DGCR2: variants seen among roughly 807,000 people sequenced by gnomAD.
DGCR2 encodes integral membrane protein DGCR2/IDD.
A neutral mutation model predicts 51.6 loss-of-function variants in DGCR2; 24 were observed. The ratio of observed to expected loss-of-function variants is 0.47; its 90% CI spans 0.34 to 0.65. The LOEUF is 0.65. Among genes scored for constraint, DGCR2 ranks in the 30% least tolerant of loss-of-function variants. The pLI is 0.01. For synonymous variants in DGCR2, 340 were observed against 315.4 expected, an observed-to-expected ratio of 1.08 and a Z score of -0.82; for missense variants, 765 against 772.1, an observed-to-expected ratio of 0.99 and a Z score of 0.11.
At chr22:19,076,542 G>A (rs982761072) in intron 2 of DGCR2, among the ~76,000 whole-genome samples, 1 of 152,000 alleles carries the variant, frequency 6.6e-6, no homozygotes, top group East Asian at 1.9e-4. Context: ...TAACAACACC[G>A]CAGAGGGATT....
At chr22:19,041,669 G>T (rs773590311) in intron 8 of DGCR2, 138 bp downstream of exon 8, 2 of 1,026,978 alleles carry the variant, frequency 1.9e-6, no homozygotes, top group South Asian at 1.6e-5. Flanking sequence ...GCCCACAGGT[G>T]AGGACACAGA....
Position 19,089,394 on chromosome 22 carries a change from T to C in DGCR2, c.176A>G (p.Asp59Gly). The C allele has an allele frequency of 6.2e-7, 1 of 1,610,522 alleles. No homozygotes were observed. The highest frequency in any genetic ancestry group is 8.5e-7 in the Non-Finnish European group (1 of 1,178,284). Residue 59 changes from aspartate (D) to glycine (G), a missense_variant, in exon 2 of 10, where the codon GAT becomes GGT. Physicochemically the swap from Asp to Gly is moderately conservative, Grantham distance 94 (BLOSUM62 -1). Transcript: ENST00000263196. The part of the protein sequence containing the change: ...WQCDGWATCE[D>G]ESDEANCPEV... The stretch of plus-strand genomic sequence containing the variant: ...TGGACAGTTGGCTTCGTCGCTCTCA[T>C]CCTCGCAAGTCGCCCAGCCGTCACA...
At chr22:19,111,877 G>A (rs1191477785) in intron 1 of DGCR2, among the ~76,000 whole-genome samples, 1 of 147,854 alleles carries the variant, frequency 6.8e-6, no homozygotes, top group East Asian at 2.0e-4. Flanking sequence ...TTTGTCTCCA[G>A]GAAGAAACTG....
intron 2 of DGCR2, among the ~76,000 whole-genome samples, chr22:19,085,312 A>G (rs1205976228): frequency 1.3e-5 from 2 of 152,246 alleles, no homozygotes; most frequent in Non-Finnish European, 2.9e-5. Flanking sequence ...TGCCATCTAT[A>G]GGTTAGGAAA....
chr22:19,037,957 G>A lies in DGCR2; in HGVS notation c.*908C>T, dbSNP rs1400772605. 1 of 152,962 alleles carries A rather than the reference G, an allele frequency of 6.5e-6. No individual in the cohort carries two copies. The highest frequency in any genetic ancestry group is 2.4e-5 in the African/African-American group (1 of 41,478). 9.5% of individuals were successfully genotyped at this position (152,962 alleles called of 1,614,324 possible). On this transcript the variant is annotated 3_prime_UTR_variant, in exon 10 of 10. Coordinates refer to ENST00000263196, the MANE Select transcript of DGCR2 (RefSeq NM_005137.3). The stretch of plus-strand genomic sequence containing the variant: ...CTCCTGCAATGAAGCAACCCTTTAT[G>A]GCACAAATGGGGCCGGGGGCAGGCC...
chr22:19,110,003 G>A (rs2083297661), intron 1 of DGCR2, among the ~76,000 whole-genome samples: 1 of 152,180 alleles, frequency 6.6e-6, no homozygotes, highest in Non-Finnish European at 1.5e-5. Context: ...TAACAGAGTG[G>A]GTCCAAACTT....
At chr22:19,046,867 C>T in intron 7 of DGCR2, 1 of 277,464 alleles carries the variant, frequency 3.6e-6, no homozygotes, top group Non-Finnish European at 7.9e-6. Context: ...GCCATACATG[C>T]CCACAAATGG....
intron 6 of DGCR2, among the ~76,000 whole-genome samples, chr22:19,054,186 G>A (rs5992356): frequency 0.23 from 35,723 of 152,114 alleles, 4,737 homozygotes; most frequent in African/African-American, 0.37. Flanking sequence ...ATATAGTGTG[G>A]GTACATAAGA....
chr22:19,080,752 C>T (rs1237168786), intron 2 of DGCR2, among the ~76,000 whole-genome samples: 1 of 152,190 alleles, frequency 6.6e-6, no homozygotes. Context: ...GGGAGGATCG[C>T]TTGAGTCCAG....
intron 6 of DGCR2, 106 bp downstream of exon 6, chr22:19,056,880 C>A: frequency 1.5e-6 from 2 of 1,308,806 alleles, no homozygotes; most frequent in Non-Finnish European, 2.1e-6. Context: ...GCGTCCACCG[C>A]AACACTGCAA....
At chr22:19,070,574 G>T (rs1407781025) in intron 2 of DGCR2, among the ~76,000 whole-genome samples, 1 of 152,196 alleles carries the variant, frequency 6.6e-6, no homozygotes, top group Non-Finnish European at 1.5e-5. Context: ...AGTGCTGCCA[G>T]GTCACATGGG....
intron 1 of DGCR2, 93 bp downstream of exon 1, chr22:19,122,035 T>A: frequency 6.3e-5 from 52 of 823,258 alleles, no homozygotes; most frequent in East Asian, 9.0e-5. Context: ...GCGCGGCCCC[T>A]GCAGGAGGGC....
At chr22:19,069,852 G>T (rs990776161) in intron 2 of DGCR2, among the ~76,000 whole-genome samples, 2 of 152,248 alleles carry the variant, frequency 1.3e-5, no homozygotes, top group South Asian at 4.1e-4. Context: ...CATGTGATGG[G>T]GATGGGTTGC....
chr22:19,100,148 T>C (rs540049459), intron 1 of DGCR2, among the ~76,000 whole-genome samples: 35 of 151,884 alleles, frequency 2.3e-4, no homozygotes, highest in Non-Finnish European at 4.4e-4. Flanking sequence ...CACACACCTG[T>C]AATCCCAGCT....
chr22:19,040,979 G>A, intron 9 of DGCR2, 79 bp downstream of exon 9: 5 of 1,304,274 alleles, frequency 3.8e-6, no homozygotes, highest in Non-Finnish European at 5.3e-6. Context: ...GGCCTCTGCA[G>A]CTGGGCAAGA....
rs537701034 is a variant in DGCR2, at chr22:19,070,880, G to A, written c.203-2655C>T. Reference sequence around the variant, plus strand: ...CACAGACACAGGCCTTTGCCAGCAAGAAGGGGAAGGGCTTGGCTGTCAAGA... The same window carrying A: ...CACAGACACAGGCCTTTGCCAGCAAAAAGGGGAAGGGCTTGGCTGTCAAGA... On this transcript the variant is annotated intron_variant, in intron 2 of 9. Transcript: ENST00000263196. 2.6e-4 allele frequency among the ~76,000 whole-genome samples: 39 copies of A among 152,366 alleles called. No homozygotes were observed. In the South Asian group the frequency reaches 7.9e-3, roughly 31 times the overall value.
chr22:19,069,402 A>G (rs6518522), intron 2 of DGCR2, among the ~76,000 whole-genome samples: 24,237 of 152,236 alleles, frequency 0.16, 2,162 homozygotes, highest in South Asian at 0.28. Flanking sequence ...TGCTCATGAT[A>G]AAGTAACAAA....
chr22:19,078,252 GACTTT>G (rs1312884646), intron 2 of DGCR2, among the ~76,000 whole-genome samples: 3 of 152,052 alleles, frequency 2.0e-5, no homozygotes, highest in Non-Finnish European at 2.9e-5. Context: ...AAAATTTTTC[GACTTT>G]ACAATAGGTT....
intron 2 of DGCR2, among the ~76,000 whole-genome samples, chr22:19,076,973 G>A (rs1044495671): frequency 6.6e-6 from 1 of 151,526 alleles, no homozygotes; most frequent in Admixed American, 6.6e-5. Flanking sequence ...CTTGTGATCC[G>A]CCGGCCTCCC....
Sources: allele counts gnomAD v4.1 joint callset (sites outside exome capture counted in the v4.1 genomes callset), GRCh38; gene constraint gnomAD v4.1.1; transcripts MANE v1.5; gene names NCBI Gene and HGNC (gene_info 2026-07-23, HGNC 2026-07-21).